The following HIPK2 variants were observed in gnomAD, a reference collection of about 807,000 sequenced individuals.
HIPK2 encodes the protein homeodomain-interacting protein kinase 2.
A neutral mutation model predicts 113.7 loss-of-function variants in HIPK2; 27 were observed. The ratio of observed to expected loss-of-function variants is 0.24; its 90% confidence interval spans 0.17 to 0.33. The LOEUF is 0.33. Among genes scored for constraint, HIPK2 ranks in the 10% least tolerant of loss-of-function variants. HIPK2 has a pLI of 1.00. For synonymous variants in HIPK2, 631 were observed against 642.2 expected (o/e 0.98, Z 0.26); for missense variants, 1,257 against 1,588.0 (o/e 0.79, Z 3.54).
intron 1 of HIPK2, among the ~76,000 whole-genome samples, chr7:139,768,764 G>A (rs1464463332): frequency 6.6e-6 from 1 of 152,124 alleles, no homozygotes; most frequent in Non-Finnish European, 1.5e-5. Context: ...TGACAGCCTG[G>A]TAGGAACCAC....
chr7:139,658,228 C>G (rs554745535), intron 2 of HIPK2, among the ~76,000 whole-genome samples: 2 of 151,704 alleles, frequency 1.3e-5, no homozygotes, highest in Admixed American at 1.3e-4. Context: ...ATCACTTGAA[C>G]CCAGGAGGCG....
rs1403619288 is a variant in HIPK2, at chr7:139,695,167, A to AAAT, written c.1103+20762_1103+20764dup. On this transcript the variant is annotated intron_variant, in intron 2 of 14. Transcript: ENST00000406875. ...TCTCCATGAAAAAGTAATAAAAGTG[A>AAAT]AATATAGTTTATTAATATTCATACT... Among the ~76,000 whole-genome samples the AAAT allele has an allele frequency of 2.0e-5, 3 of 152,342 alleles. No homozygotes were observed. In the East Asian group the frequency reaches 5.8e-4, roughly 29 times the overall value.
chr7:139,597,111 C>T, intron 11 of HIPK2, 113 bp from the exon 12 acceptor site: 1 of 1,149,948 alleles, frequency 8.7e-7, no homozygotes, highest in Non-Finnish European at 1.2e-6. Context: ...TAAAACACGT[C>T]AGTGGCTGCC....
At chr7:139,648,769 G>T in intron 2 of HIPK2, among the ~76,000 whole-genome samples, 1 of 152,020 alleles carries the variant, frequency 6.6e-6, no homozygotes, top group Non-Finnish European at 1.5e-5. Context: ...CGGAGCAGAA[G>T]GAGGGAGAGG....
chr7:139,673,548 G>A (rs1439320501), intron 2 of HIPK2, among the ~76,000 whole-genome samples: 1 of 152,112 alleles, frequency 6.6e-6, no homozygotes, highest in East Asian at 1.9e-4. Context: ...TCTGTGTGAG[G>A]ACTCCCAGGG....
intron 1 of HIPK2, among the ~76,000 whole-genome samples, chr7:139,737,466 C>T (rs1795969990): frequency 6.6e-6 from 1 of 152,180 alleles, no homozygotes; most frequent in South Asian, 2.1e-4. Context: ...GGAGGATAAG[C>T]TCTAACACCA....
intron 13 of HIPK2, among the ~76,000 whole-genome samples, chr7:139,576,779 G>A (rs941466985): frequency 2.0e-5 from 3 of 152,232 alleles, no homozygotes; most frequent in Admixed American, 2.0e-4. Context: ...TGATGGAACA[G>A]GACAGGGCAG....
intron 2 of HIPK2, among the ~76,000 whole-genome samples, chr7:139,685,341 T>C (rs1209787292): frequency 6.6e-6 from 1 of 152,048 alleles, no homozygotes; most frequent in Non-Finnish European, 1.5e-5. Flanking sequence ...CAGCTAATTT[T>C]TTGTACAGAC....
intron 7 of HIPK2, 85 bp downstream of exon 7, chr7:139,620,313 GCCT>G: frequency 6.6e-7 from 1 of 1,522,802 alleles, no homozygotes; most frequent in Non-Finnish European, 8.9e-7. Flanking sequence ...CAGGAATTTT[GCCT>G]CCTGACTAGG....
chr7:139,631,113 T>A lies in HIPK2; in HGVS notation c.1347+52A>T. ...CTCCCCACTAATGGGTCTACGGCCC[T>A]CTTCCCTAAGCGCTGGGCCACTGTG... On this transcript the variant is annotated intron_variant, in intron 4 of 14. Transcript: ENST00000406875. The surrounding 1 kb of genome is among the most constrained non-coding windows in gnomAD (Gnocchi z 4.9). The A allele has an allele frequency of 6.4e-7, 1 of 1,568,444 alleles. No homozygotes were observed. The highest frequency in any genetic ancestry group is 8.6e-7 in the Non-Finnish European group (1 of 1,156,182).
intron 1 of HIPK2, among the ~76,000 whole-genome samples, chr7:139,742,054 T>G (rs1330662573): frequency 1.3e-5 from 2 of 152,198 alleles, no homozygotes; most frequent in Non-Finnish European, 2.9e-5. Flanking sequence ...TTCAAACACA[T>G]GTCAGTATGA....
intron 2 of HIPK2, among the ~76,000 whole-genome samples, chr7:139,635,385 G>A (rs141527510): frequency 6.6e-6 from 1 of 152,308 alleles, no homozygotes; most frequent in Non-Finnish European, 1.5e-5. Flanking sequence ...TGGCCCGGAA[G>A]GCTGTTCCTA....
chr7:139,672,614 ACGC>A (rs2116647900), intron 2 of HIPK2, among the ~76,000 whole-genome samples: 1 of 152,086 alleles, frequency 6.6e-6, no homozygotes, highest in African/African-American at 2.4e-5. Flanking sequence ...CGCTGCCACC[ACGC>A]CCGCCTAATT....
intron 2 of HIPK2, among the ~76,000 whole-genome samples, chr7:139,632,323 T>G (rs1178743134): frequency 2.0e-5 from 3 of 152,222 alleles, no homozygotes; most frequent in Non-Finnish European, 4.4e-5. Flanking sequence ...ACTCGAGGTA[T>G]TCTATCTTCA....
intron 2 of HIPK2, among the ~76,000 whole-genome samples, chr7:139,687,086 T>C (rs35890635): frequency 6.4e-4 from 97 of 152,228 alleles, no homozygotes; most frequent in Non-Finnish European, 1.1e-3. Flanking sequence ...TTTTTAGCAA[T>C]GAAGTATTTT....
intron 2 of HIPK2, among the ~76,000 whole-genome samples, chr7:139,672,334 A>T: frequency 6.6e-6 from 1 of 152,242 alleles, no homozygotes; most frequent in East Asian, 1.9e-4. Flanking sequence ...CATAGCGAGG[A>T]CCAGTCAAGA....
intron 1 of HIPK2, among the ~76,000 whole-genome samples, chr7:139,759,977 A>G (rs568509606): frequency 7.2e-5 from 11 of 151,832 alleles, no homozygotes; most frequent in African/African-American, 2.7e-4. Context: ...TCACATACCC[A>G]TCATCTAGAT....
chr7:139,667,703 A>G (rs1022782953), intron 2 of HIPK2, among the ~76,000 whole-genome samples: 1 of 152,232 alleles, frequency 6.6e-6, no homozygotes, highest in Non-Finnish European at 1.5e-5. Context: ...ATATTTGTAC[A>G]TTTGTATAAT....
chr7:139,611,470 T>C (rs896763737), intron 9 of HIPK2, among the ~76,000 whole-genome samples: 1 of 152,186 alleles, frequency 6.6e-6, no homozygotes, highest in African/African-American at 2.4e-5. Context: ...AGTGTCTTAA[T>C]AGATACAGAA....
Sources: gnomAD v4.1 joint callset for allele counts (sites outside exome capture counted in the v4.1 genomes callset) on GRCh38, gnomAD v4.1.1 for gene constraint, Gnocchi (gnomAD v3.1) non-coding constraint, MANE v1.5 for transcripts, NCBI Gene and HGNC (gene_info 2026-07-23, HGNC 2026-07-21) for gene names.